MYO7B: variants seen among roughly 807,000 people sequenced by gnomAD.
MYO7B encodes the protein unconventional myosin-VIIb.
MYO7B carries 212 observed loss-of-function variants against 259.7 expected under a neutral mutation model. That is an observed-to-expected ratio of 0.82 (90% CI 0.73 to 0.91). The LOEUF is 0.91. Among genes scored for constraint, MYO7B ranks in the 40% least tolerant of loss-of-function variants. The pLI, the probability that MYO7B is intolerant of heterozygous loss-of-function variation, is 0.00. For missense variants in MYO7B, 2,732 were observed against 2,813.5 expected (o/e 0.97, Z 0.66); for synonymous variants, 1,197 against 1,166.4 (o/e 1.03, Z -0.54).
At chr2:127,604,556 G>GT (rs1349306024) in intron 19 of MYO7B, among the ~76,000 whole-genome samples, 1 of 152,226 alleles carries the variant, frequency 6.6e-6, no homozygotes, top group African/African-American at 2.4e-5. Flanking sequence ...CAACGTGGCT[G>GT]TTTCGCGCAA....
chr2:127,571,223 G>T (rs1385897786), intron 6 of MYO7B, among the ~76,000 whole-genome samples: 2 of 152,116 alleles, frequency 1.3e-5, no homozygotes, highest in African/African-American at 4.8e-5. Context: ...CATTCTGGTT[G>T]TCCTGTGTCC....
chr2:127,537,593 T>C (rs554653715), intron 1 of MYO7B, among the ~76,000 whole-genome samples: 1 of 152,146 alleles, frequency 6.6e-6, no homozygotes, highest in East Asian at 1.9e-4. Context: ...CCCAGCACTT[T>C]GGGAGGCCGA....
chr2:127,622,024 C>T lies in MYO7B; in HGVS notation c.3568C>T (p.Pro1190Ser). 6 of 1,551,784 alleles carry T rather than the reference C, an allele frequency of 3.9e-6. No homozygotes were observed. Among genetic ancestry groups the T allele is most frequent in the Non-Finnish European group, 5.2e-6 (6 of 1,147,004 alleles). The part of the protein sequence containing the change: ...FIGQGPATYG[P>S]FCAERLRRTY... ...CGGCCAAGGGCCGGCGACCTACGGCCCCTTCTGTGCCGAGCGCCTGAGACG... is the reference window on the plus strand; with the variant it reads ...CGGCCAAGGGCCGGCGACCTACGGCTCCTTCTGTGCCGAGCGCCTGAGACG... Residue 1190 changes from proline to serine, a missense_variant, in exon 28 of 48, where the codon CCC becomes TCC. Around this residue, in one of 3 missense-constraint regions of MYO7B, gnomAD observed 1,906 missense variants for 2,026.4 expected, o/e 0.94. Transcript: ENST00000409816.
At chr2:127,631,386 C>T in intron 37 of MYO7B, 23 bp downstream of exon 37, 10 of 1,593,196 alleles carry the variant, frequency 6.3e-6, no homozygotes, top group Non-Finnish European at 8.6e-6. Context: ...ACCAGCCTGC[C>T]TGCACCTCGT....
intron 27 of MYO7B, among the ~76,000 whole-genome samples, chr2:127,620,812 C>T (rs551201333): frequency 2.0e-5 from 3 of 152,308 alleles, no homozygotes; most frequent in African/African-American, 4.8e-5. Context: ...AGATGTGCCA[C>T]GGCACCTCTT....
chr2:127,623,040 C>T (rs981106826), intron 28 of MYO7B, among the ~76,000 whole-genome samples, 162 bp from the exon 29 acceptor site: 3 of 152,222 alleles, frequency 2.0e-5, no homozygotes, highest in Non-Finnish European at 4.4e-5. Context: ...GTTTTCTATG[C>T]CAAGCCCATG....
chr2:127,549,378 CA>C (rs1379840763), intron 1 of MYO7B, among the ~76,000 whole-genome samples: 1 of 152,122 alleles, frequency 6.6e-6, no homozygotes, highest in African/African-American at 2.4e-5. Flanking sequence ...TACGTGGATA[CA>C]TTGCGTGATG....
chr2:127,620,609 T>C, intron 27 of MYO7B, 143 bp downstream of exon 27: 1 of 1,063,792 alleles, frequency 9.4e-7, no homozygotes. Context: ...CAGCCATGCC[T>C]ATGCTTCTCC....
chr2:127,579,032 C>A (rs979170596), intron 9 of MYO7B, among the ~76,000 whole-genome samples: 8 of 151,870 alleles, frequency 5.3e-5, no homozygotes, highest in Admixed American at 3.9e-4. Context: ...AAAGGAAGAA[C>A]CCAATGGATG....
In MYO7B at chr2:127,565,327, T is replaced by G. The variant is rs754886911; in HGVS notation, c.227T>G (p.Leu76Arg). 1 of 1,613,910 alleles carries G rather than the reference T, an allele frequency of 6.2e-7. No homozygotes were observed. Among genetic ancestry groups the G allele is most frequent in the African/African-American group, 1.3e-5 (1 of 74,946 alleles). ...GACGACATGATCCGCCTGGGGGACCTGAACGAGGCAGGCATGGTGCACAAC... is the reference window on the plus strand; with the variant it reads ...GACGACATGATCCGCCTGGGGGACCGGAACGAGGCAGGCATGGTGCACAAC... The part of the protein sequence containing the change: ...GVDDMIRLGD[L>R]NEAGMVHNLL... Residue 76 changes from leucine (L) to arginine (R), a missense_variant, in exon 4 of 48, where the codon CTG becomes CGG. Coordinates refer to ENST00000409816, the MANE Select transcript of MYO7B (RefSeq NM_001393586.1).
chr2:127,547,849 A>T (rs1485046036), intron 1 of MYO7B, among the ~76,000 whole-genome samples: 2 of 152,188 alleles, frequency 1.3e-5, no homozygotes, highest in African/African-American at 4.8e-5. Flanking sequence ...CGAGTTAGAA[A>T]GTATTTCCTC....
chr2:127,627,107 CAG>C lies in MYO7B; in HGVS notation c.4333+16_4333+17del, dbSNP rs776213575. 2.2e-5 allele frequency: 36 copies of C among 1,607,408 alleles called. No homozygotes were observed. The highest frequency in any genetic ancestry group is 3.3e-4 in the Middle Eastern group (2 of 6,080). ...CACACTCTCAGGTAATGGCATCTGA[CAG>C]GGGGCAGGGAGCAGGTATGGGCTGG... On this transcript the variant is annotated intron_variant, in intron 32 of 47. Coordinates refer to ENST00000409816, the MANE Select transcript of MYO7B (RefSeq NM_001393586.1). This position sits in a 1 kb window ranked among gnomAD's most constrained non-coding sequence, Gnocchi z 5.6.
rs774080352 is a variant in MYO7B, at chr2:127,624,116, C to T, written c.3843C>T (p.Arg1281=). The part of the protein sequence containing the change: ...YDKFWSLGSG[R]DHMMDAIARC... ...AGTTCTGGTCCCTGGGCAGCGGGCG[C>T]GACCACATGATGGATGCCATCGCCC... Residue 1281 remains arginine (R), a synonymous_variant, in exon 30 of 48, where the codon CGC becomes CGT. Coordinates refer to ENST00000409816, the MANE Select transcript of MYO7B (RefSeq NM_001393586.1). 2.5e-5 allele frequency: 40 copies of T among 1,578,920 alleles called. No homozygotes were observed. Among genetic ancestry groups the T allele is most frequent in the African/African-American group, 2.2e-4 (16 of 74,040 alleles).
intron 19 of MYO7B, 28 bp downstream of exon 19, chr2:127,596,584 A>G: frequency 6.7e-7 from 1 of 1,491,526 alleles, no homozygotes; most frequent in Non-Finnish European, 9.1e-7. Flanking sequence ...AGGCCCACCC[A>G]GCCTACTCCT....
intron 38 of MYO7B, 117 bp downstream of exon 38, chr2:127,631,870 G>A: frequency 1.5e-6 from 2 of 1,335,288 alleles, no homozygotes; most frequent in Non-Finnish European, 2.0e-6. Flanking sequence ...CCCCTGCCTG[G>A]GCTCCTGCCT....
rs1483224359 is a variant in MYO7B, at chr2:127,629,840, T to A, written c.4806+14T>A. The stretch of plus-strand genomic sequence containing the variant: ...GCACAGCTGCTGGTAACTGGCACGC[T>A]CCCCTGTCCTCAGCCTGGGTACCCG... On this transcript the variant is annotated intron_variant, in intron 35 of 47. Transcript: ENST00000409816. 1 of 1,537,766 alleles carries A rather than the reference T, an allele frequency of 6.5e-7. No individual in the cohort carries two copies. The highest frequency in any genetic ancestry group is 2.3e-5 in the East Asian group (1 of 42,678).
In MYO7B at chr2:127,623,228, C is replaced by T; in HGVS notation, c.3672C>T (p.Pro1224=). Residue 1224 remains proline, a synonymous_variant, in exon 29 of 48, where the codon CCC becomes CCT. Transcript: ENST00000409816. ...LQAVKSKKHI[P]IQVILATGES... ...CTGTCAAGTCCAAGAAGCACATCCC[C>T]ATCCAAGTCATCTTGGCCACTGGAG... 1 of 1,613,664 alleles carries T rather than the reference C, an allele frequency of 6.2e-7. No homozygotes were observed. Among genetic ancestry groups the T allele is most frequent in the Non-Finnish European group, 8.5e-7 (1 of 1,179,786 alleles).
rs1345143898 is a variant in MYO7B, at chr2:127,539,046, T to C, written c.-24+3215T>C. 6.6e-6 allele frequency among the ~76,000 whole-genome samples: 1 copy of C among 152,156 alleles called. No homozygotes were observed. On this transcript the variant is annotated intron_variant, in intron 1 of 47. Coordinates refer to ENST00000409816, the MANE Select transcript of MYO7B (RefSeq NM_001393586.1). The surrounding 1 kb of genome is among the most constrained non-coding windows in gnomAD (Gnocchi z 4.0). Reference sequence around the variant, plus strand: ...GCACAGTGTCTGTCTGAGCTCCTACTCTGTTCTGGGGGCTGGGGGCAGAGT... The same window carrying C: ...GCACAGTGTCTGTCTGAGCTCCTACCCTGTTCTGGGGGCTGGGGGCAGAGT...
At position 127,605,846 on chromosome 2, in the gene MYO7B, A is replaced by G. The variant is rs1239373385; in HGVS notation, c.2342A>G (p.Lys781Arg). Reference protein sequence around the residue: ...QKVLRGYRYRKEFLRQRRAAV... With the variant: ...QKVLRGYRYRREFLRQRRAAV... ...TGTGGCTTGCATTGCCCTTCTAGGA[A>G]GGAGTTCCTGAGGCAGAGGCGGGCA... Residue 781 changes from lysine (K) to arginine (R), a missense_variant and splice_region_variant, in exon 20 of 48, where the codon AAG becomes AGG. Coordinates refer to ENST00000409816, the MANE Select transcript of MYO7B (RefSeq NM_001393586.1). The G allele has an allele frequency of 1.9e-6, 3 of 1,613,458 alleles. No homozygotes were observed. The highest frequency in any genetic ancestry group is 2.5e-6 in the Non-Finnish European group (3 of 1,179,792).
Sources: gnomAD v4.1 joint callset for allele counts (sites outside exome capture counted in the v4.1 genomes callset) on GRCh38, gnomAD v4.1.1 for gene constraint, gnomAD v4.1.1 regional missense constraint, Gnocchi (gnomAD v3.1) non-coding constraint, MANE v1.5 for transcripts, NCBI Gene and HGNC (gene_info 2026-07-23, HGNC 2026-07-21) for gene names.